Variants in GGT5 observed in about 807,000 individuals in gnomAD.
GGT5 encodes the protein gamma-glutamyltransferase 5.
A neutral mutation model predicts 58.1 loss-of-function variants in GGT5; 50 were observed. That is an observed-to-expected ratio of 0.86 (90% CI 0.69 to 1.09). The LOEUF (loss-of-function observed/expected upper bound fraction) is 1.09, where lower values mean the gene tolerates loss of function less well. GGT5 is among the 50% of genes least tolerant of loss of function. GGT5 has a pLI of 0.00. For missense variants in GGT5, 800 were observed against 789.4 expected (o/e 1.01, Z -0.16); for synonymous variants, 370 against 346.1 (o/e 1.07, Z -0.77).
intron 1 of GGT5, 149 bp from the exon 2 acceptor site, chr22:24,234,153 G>C: frequency 1.4e-6 from 1 of 709,238 alleles, no homozygotes; most frequent in East Asian, 2.7e-5. Context: ...ACACAACCAG[G>C]CTTCCCCATC....
rs2048433281 is a variant in GGT5, at chr22:24,244,860, C to G, written c.-135G>C. 1 of 1,435,258 alleles carries G rather than the reference C, an allele frequency of 7.0e-7. No individual in the cohort carries two copies. Among genetic ancestry groups the G allele is most frequent in the Non-Finnish European group, 9.1e-7 (1 of 1,094,452 alleles). 88.9% of individuals were successfully genotyped at this position (1,435,258 alleles called of 1,614,324 possible). A position where few individuals can be genotyped will look rare whatever the true frequency, so the allele number is the denominator to read the frequency against. On this transcript the variant is annotated 5_prime_UTR_variant, in exon 1 of 12. Transcript: ENST00000327365. ...TGGACAAACAGGTGGGGGCTGAAGACAGACACGAAGATGGATCGACAGATA... is the reference window on the plus strand; with the variant it reads ...TGGACAAACAGGTGGGGGCTGAAGAGAGACACGAAGATGGATCGACAGATA...
chr22:24,239,265 G>C (rs2048263959), intron 1 of GGT5, among the ~76,000 whole-genome samples: 1 of 151,600 alleles, frequency 6.6e-6, no homozygotes, highest in Admixed American at 6.6e-5. Flanking sequence ...CGTGAACCCA[G>C]GAGGCAGAGC....
At chr22:24,230,323 G>A (rs976184862) in intron 6 of GGT5, among the ~76,000 whole-genome samples, 3 of 151,226 alleles carry the variant, frequency 2.0e-5, no homozygotes, top group Admixed American at 6.6e-5. Context: ...AGCTGAGATC[G>A]TGCCATTGCA....
chr22:24,221,938 G>C (rs1216995415), intron 11 of GGT5, among the ~76,000 whole-genome samples: 1 of 151,426 alleles, frequency 6.6e-6, no homozygotes, highest in Non-Finnish European at 1.5e-5. Flanking sequence ...CAGCACTTTG[G>C]GAGGCCAAGG....
intron 3 of GGT5, 116 bp from the exon 4 acceptor site, chr22:24,233,134 C>T: frequency 1.3e-6 from 1 of 764,502 alleles, no homozygotes. Flanking sequence ...CTGGAGCCCA[C>T]ACCCGACCAC....
At position 24,244,634 on chromosome 22, in the gene GGT5, C is replaced by A; in HGVS notation, c.92G>T (p.Arg31Leu). 2 of 1,612,814 alleles carry A rather than the reference C, an allele frequency of 1.2e-6. No homozygotes were observed. The highest frequency in any genetic ancestry group is 2.2e-5 in the South Asian group (2 of 91,034). Residue 31 changes from arginine to leucine, a missense_variant, in exon 1 of 12, where the codon CGA (arginine) becomes CTA (leucine). Arg to Leu is a moderately radical substitution (Grantham distance 102). Coordinates refer to ENST00000327365, the MANE Select transcript of GGT5 (RefSeq NM_004121.5). ...AVIVLAVVLS[R>L]HQAPCGPQAF... ...CTGGGGGCCACATGGGGCCTGGTGT[C>A]GAGAGAGGACCACAGCCAGCACAAT...
In GGT5 at chr22:24,239,989, G is replaced by T. The variant is rs537991105; in HGVS notation, c.173+4564C>A. ...TGGTCCCAGCTACTCAGGAGACTGAGACAGGAGAATTGCTTGAACCCAAGA... is the reference window on the plus strand; with the variant it reads ...TGGTCCCAGCTACTCAGGAGACTGATACAGGAGAATTGCTTGAACCCAAGA... On this transcript the variant is annotated intron_variant, in intron 1 of 11. Coordinates refer to ENST00000327365, the MANE Select transcript of GGT5 (RefSeq NM_004121.5). Among the ~76,000 whole-genome samples, 8 of 152,320 alleles carry T rather than the reference G, an allele frequency of 5.3e-5. No individual in the cohort carries two copies. The East Asian group carries it at 1.5e-3, about 29-fold the overall frequency.
chr22:24,233,728 T>C, intron 2 of GGT5, 135 bp from the exon 3 acceptor site: 3 of 905,692 alleles, frequency 3.3e-6, no homozygotes, highest in Non-Finnish European at 5.2e-6. Flanking sequence ...ACACAAGGGC[T>C]TTGCACAGCT....
At chr22:24,237,370 C>T (rs1394423371) in intron 1 of GGT5, among the ~76,000 whole-genome samples, 1 of 151,856 alleles carries the variant, frequency 6.6e-6, no homozygotes, top group African/African-American at 2.4e-5. Flanking sequence ...AAAGGAGATC[C>T]CAGAATTTCA....
At chr22:24,237,834 C>T (rs2048143759) in intron 1 of GGT5, among the ~76,000 whole-genome samples, 1 of 152,166 alleles carries the variant, frequency 6.6e-6, no homozygotes, top group African/African-American at 2.4e-5. Context: ...ATAGGATCTC[C>T]AGATTATGAA....
chr22:24,230,736 C>T (rs1453498667), intron 6 of GGT5, among the ~76,000 whole-genome samples: 2 of 152,126 alleles, frequency 1.3e-5, no homozygotes, highest in African/African-American at 2.4e-5. Context: ...ATTCCTACCG[C>T]GATGCCTACT....
At chr22:24,238,786 ATTATATAT>A (rs1203820722) in intron 1 of GGT5, among the ~76,000 whole-genome samples, 10 of 21,196 alleles carry the variant, frequency 4.7e-4, no homozygotes, top group African/African-American at 2.7e-3. Flanking sequence ...TATAATATAT[ATTATATAT>A]TTATATATAT....
chr22:24,237,435 A>T (rs1213666243), intron 1 of GGT5, among the ~76,000 whole-genome samples: 1 of 151,968 alleles, frequency 6.6e-6, no homozygotes, highest in Non-Finnish European at 1.5e-5. Flanking sequence ...TTGAGACAGC[A>T]TCTCACTCTG....
At chr22:24,238,445 G>C (rs2148935949) in intron 1 of GGT5, among the ~76,000 whole-genome samples, 1 of 151,090 alleles carries the variant, frequency 6.6e-6, no homozygotes, top group African/African-American at 2.4e-5. Flanking sequence ...TGAGGCAGGG[G>C]AACTGCTTGA....
chr22:24,225,204 G>C lies in GGT5; in HGVS notation c.1503+41C>G, dbSNP rs369915142. The C allele has an allele frequency of 4.4e-6, 7 of 1,601,326 alleles. No individual in the cohort carries two copies. In the African/African-American group the frequency reaches 9.4e-5, roughly 21 times the overall value. Reference sequence around the variant, plus strand: ...TCCAGAGACAGTCAGACAGTATGCTGCCCAGAGAGGAGACACTCGAGCCAG... The same window carrying C: ...TCCAGAGACAGTCAGACAGTATGCTCCCCAGAGAGGAGACACTCGAGCCAG... On this transcript the variant is annotated intron_variant, in intron 10 of 11. Coordinates refer to ENST00000327365, the MANE Select transcript of GGT5 (RefSeq NM_004121.5).
chr22:24,223,718 C>T (rs1043594469), intron 11 of GGT5, among the ~76,000 whole-genome samples: 1 of 149,338 alleles, frequency 6.7e-6, no homozygotes, highest in Non-Finnish European at 1.5e-5. Flanking sequence ...ACAGGAGAGG[C>T]AGCTTTGACG....
At chr22:24,231,820 G>A (rs926939330) in intron 5 of GGT5, among the ~76,000 whole-genome samples, 3 of 152,150 alleles carry the variant, frequency 2.0e-5, no homozygotes, top group Non-Finnish European at 2.9e-5. Context: ...CAGACCTGCC[G>A]TGACCATCGG....
intron 11 of GGT5, among the ~76,000 whole-genome samples, chr22:24,222,420 G>T (rs960843139): frequency 7.6e-4 from 115 of 152,094 alleles, no homozygotes; most frequent in African/African-American, 2.7e-3. Context: ...ATCCTTTACT[G>T]CTGAAGCCAA....
intron 6 of GGT5, among the ~76,000 whole-genome samples, chr22:24,227,406 C>T (rs1601387745): frequency 6.6e-6 from 1 of 152,198 alleles, no homozygotes; most frequent in East Asian, 1.9e-4. Flanking sequence ...GCCATCATGC[C>T]CGGCTAATTT....
Sources: allele counts gnomAD v4.1 joint callset (sites outside exome capture counted in the v4.1 genomes callset), GRCh38; gene constraint gnomAD v4.1.1; transcripts MANE v1.5; gene names NCBI Gene and HGNC (gene_info 2026-07-23, HGNC 2026-07-21).